Variants in ZFYVE28 observed in about 807,000 individuals in gnomAD.
The protein encoded by ZFYVE28 is zinc finger FYVE-type containing 28, also known as lateral signaling target protein 2 homolog.
A neutral mutation model predicts 82.1 loss-of-function variants in ZFYVE28; 40 were observed. That is an observed-to-expected ratio of 0.49 (90% CI 0.38 to 0.63). The LOEUF is 0.63. Ranked by LOEUF, ZFYVE28 falls within the 30% of genes least tolerant of loss-of-function variation. The pLI is 0.00. For synonymous variants in ZFYVE28, 612 were observed against 546.1 expected (o/e 1.12, Z -1.68); for missense variants, 1,321 against 1,242.1 (o/e 1.06, Z -0.96).
At chr4:2,342,429 T>C (rs1722962495) in intron 2 of ZFYVE28, among the ~76,000 whole-genome samples, 1 of 152,176 alleles carries the variant, frequency 6.6e-6, no homozygotes, top group African/African-American at 2.4e-5. Flanking sequence ...GGTCTGGCTT[T>C]GTCACTCAGG....
intron 1 of ZFYVE28, among the ~76,000 whole-genome samples, chr4:2,390,255 C>T (rs1486724781): frequency 6.6e-6 from 1 of 152,218 alleles, no homozygotes; most frequent in Non-Finnish European, 1.5e-5. Context: ...AGCAGGTCCT[C>T]CCTCAGAGGT....
intron 2 of ZFYVE28, among the ~76,000 whole-genome samples, chr4:2,346,164 TAA>T (rs34720466): frequency 0.038 from 4,800 of 126,442 alleles, 203 homozygotes; most frequent in African/African-American, 0.11. Flanking sequence ...CCGTCTCTAC[TAA>T]AAAAAAAAAA....
In ZFYVE28 at chr4:2,273,204, A is replaced by G. The variant is rs1250608462; in HGVS notation, c.2292T>C (p.Pro764=). The G allele has an allele frequency of 1.3e-5, 21 of 1,613,760 alleles. No homozygotes were observed. Among genetic ancestry groups the G allele is most frequent in the Middle Eastern group, 1.6e-4 (1 of 6,072 alleles). Residue 764 remains proline, a synonymous_variant, in exon 10 of 13, where the codon CCT becomes CCC. Coordinates refer to ENST00000290974, the MANE Select transcript of ZFYVE28 (RefSeq NM_020972.3). ...KTLFEVMATK[P]ETDDKEKLRK... The stretch of plus-strand genomic sequence containing the variant: ...TTAACTTTTCCTTGTCGTCTGTTTC[A>G]GGCTTGGTGGCCATGACCTCAAACA...
chr4:2,322,229 G>A (rs1719195914), intron 6 of ZFYVE28, among the ~76,000 whole-genome samples: 1 of 151,660 alleles, frequency 6.6e-6, no homozygotes. Context: ...GCCCCCGGGC[G>A]GCTGCCAGAG....
In ZFYVE28 at chr4:2,327,251, AATATATAT is replaced by A. The variant is rs67940269; in HGVS notation, c.702-6988_702-6981del. ...GGTGACGGAGCAAGACTCCATCTCA[AATATATAT>A]ATATATATATATATATATATATATA... On this transcript the variant is annotated intron_variant, in intron 6 of 12. Coordinates refer to ENST00000290974, the MANE Select transcript of ZFYVE28 (RefSeq NM_020972.3). 2.9e-3 allele frequency among the ~76,000 whole-genome samples: 251 copies of A among 86,952 alleles called. 2 individuals carry two copies. The highest frequency in any genetic ancestry group is 3.3e-3 in the Admixed American group (25 of 7,492). The allele number at this position is 86,952 out of a possible 152,430, so 57.0% of individuals were successfully genotyped here. A position where few individuals can be genotyped will look rare whatever the true frequency, so the allele number is the denominator to read the frequency against.
In ZFYVE28 at chr4:2,304,785, A is replaced by C. The variant is rs1716272808; in HGVS notation, c.1555T>G (p.Phe519Val). ...GGMKLSATVI[F>V]NPKSPTSLDS... Reference sequence around the variant, plus strand: ...AGGGAAGTGGGCGATTTGGGGTTGAAGATGACCGTGGCTGAGAGCTTCATG... The same window carrying C: ...AGGGAAGTGGGCGATTTGGGGTTGACGATGACCGTGGCTGAGAGCTTCATG... Residue 519 changes from phenylalanine to valine, a missense_variant, in exon 8 of 13, where the codon TTC becomes GTC. By Grantham distance (50) the Phe-to-Val change is conservative (BLOSUM62 -1). Around this residue, in one of 2 missense-constraint regions of ZFYVE28, gnomAD observed 978 missense variants for 833.7 expected, o/e 1.17. Transcript: ENST00000290974. 6.2e-7 allele frequency: 1 copy of C among 1,612,470 alleles called. No homozygotes were observed. The highest frequency in any genetic ancestry group is 8.5e-7 in the Non-Finnish European group (1 of 1,179,940).
chr4:2,377,565 C>A (rs1271906873), intron 1 of ZFYVE28, among the ~76,000 whole-genome samples: 1 of 152,226 alleles, frequency 6.6e-6, no homozygotes, highest in Admixed American at 6.5e-5. Context: ...TGCCCCTTCA[C>A]TAGCAGTTCA....
At chr4:2,389,535 T>A (rs1331427194) in intron 1 of ZFYVE28, among the ~76,000 whole-genome samples, 2 of 152,106 alleles carry the variant, frequency 1.3e-5, no homozygotes, top group Non-Finnish European at 2.9e-5. Context: ...AAGGGACACA[T>A]GTAAGGCCAG....
chr4:2,340,319 TC>T (rs1039374805), intron 3 of ZFYVE28, among the ~76,000 whole-genome samples: 25 of 152,124 alleles, frequency 1.6e-4, no homozygotes, highest in African/African-American at 5.6e-4. Flanking sequence ...GCGAGGCAGC[TC>T]CCCAGCGTGC....
intron 1 of ZFYVE28, among the ~76,000 whole-genome samples, chr4:2,398,468 T>C (rs866212216): frequency 2.9e-4 from 44 of 152,110 alleles, no homozygotes; most frequent in African/African-American, 1.0e-3. Context: ...CATGGCAGGT[T>C]TTCACCTATA....
Position 2,391,165 on chromosome 4 carries a change from G to A in ZFYVE28, c.39+27120C>T, listed in dbSNP as rs189148774. Among the ~76,000 whole-genome samples the A allele has an allele frequency of 1.0e-3, 155 of 152,292 alleles. 1 individual carries two copies. Among genetic ancestry groups the A allele is most frequent in the African/African-American group, 3.6e-3 (150 of 41,548 alleles). ...CCCTCTGTGTTTCCTGATTTTCCCA[G>A]GTGCTCTCTCTCCCCTTCTGCTCCA... is the stretch of plus-strand genomic sequence containing the variant. On this transcript the variant is annotated intron_variant, in intron 1 of 12. Coordinates refer to ENST00000290974, the MANE Select transcript of ZFYVE28 (RefSeq NM_020972.3).
chr4:2,290,601 C>CT (rs1284984013), intron 8 of ZFYVE28, among the ~76,000 whole-genome samples: 1 of 152,214 alleles, frequency 6.6e-6, no homozygotes, highest in African/African-American at 2.4e-5. Flanking sequence ...ACCACACCTG[C>CT]CCCCTGGCCC....
chr4:2,338,794 C>G (rs977061306), intron 4 of ZFYVE28, among the ~76,000 whole-genome samples: 1 of 152,106 alleles, frequency 6.6e-6, no homozygotes, highest in Non-Finnish European at 1.5e-5. Flanking sequence ...TGAACCTCTG[C>G]GGACACCATC....
At chr4:2,338,267 G>C (rs1363639986) in intron 4 of ZFYVE28, among the ~76,000 whole-genome samples, 1 of 152,210 alleles carries the variant, frequency 6.6e-6, no homozygotes, top group Non-Finnish European at 1.5e-5. Flanking sequence ...CCCTTCCCCA[G>C]ATGAGAGCAC....
intron 8 of ZFYVE28, among the ~76,000 whole-genome samples, chr4:2,295,210 G>C (rs1714353443): frequency 6.6e-6 from 1 of 152,130 alleles, no homozygotes; most frequent in Non-Finnish European, 1.5e-5. Flanking sequence ...TGCCCAGGCT[G>C]GAGTGCAGTG....
At chr4:2,404,257 G>C (rs1731539621) in intron 1 of ZFYVE28, among the ~76,000 whole-genome samples, 1 of 143,526 alleles carries the variant, frequency 7.0e-6, no homozygotes, top group East Asian at 2.1e-4. Flanking sequence ...GGGAGGCGGA[G>C]CCTGCAGTGA....
intron 8 of ZFYVE28, among the ~76,000 whole-genome samples, chr4:2,281,290 T>C (rs1178500246): frequency 6.6e-6 from 1 of 151,818 alleles, no homozygotes; most frequent in African/African-American, 2.4e-5. Context: ...ACCGAGAGCA[T>C]GAGCCTGGGT....
intron 8 of ZFYVE28, among the ~76,000 whole-genome samples, chr4:2,299,784 A>G (rs1715232732): frequency 6.6e-6 from 1 of 150,646 alleles, no homozygotes; most frequent in Non-Finnish European, 1.5e-5. Context: ...TTGGGGTGAT[A>G]TTTATTTCCT....
At chr4:2,413,015 T>G (rs1221556515) in intron 1 of ZFYVE28, among the ~76,000 whole-genome samples, 1 of 152,132 alleles carries the variant, frequency 6.6e-6, no homozygotes, top group Non-Finnish European at 1.5e-5. Flanking sequence ...ACGTTTCCAG[T>G]AAGCGCCCAG....
Sources: gnomAD v4.1 joint callset for allele counts (sites outside exome capture counted in the v4.1 genomes callset) on GRCh38, gnomAD v4.1.1 for gene constraint, gnomAD v4.1.1 regional missense constraint, MANE v1.5 for transcripts, NCBI Gene and HGNC (gene_info 2026-07-23, HGNC 2026-07-21) for gene names.